TMEM108: variants seen among roughly 807,000 people sequenced by gnomAD.
TMEM108 encodes the protein transmembrane protein 108.
Under a neutral mutation model 35.1 loss-of-function variants are expected in TMEM108, and 12 were observed. That is an observed-to-expected ratio of 0.34 (90% CI 0.22 to 0.55). The LOEUF is 0.55. Among genes scored for constraint, TMEM108 ranks in the 20% least tolerant of loss-of-function variants. The probability of loss-of-function intolerance (pLI) is 0.89; values close to 1 mark genes in which losing one functional copy is unlikely to be tolerated. For missense variants in TMEM108, 680 were observed against 753.3 expected, an observed-to-expected ratio of 0.90 and a Z score of 1.14; for synonymous variants, 287 against 308.6, an observed-to-expected ratio of 0.93 and a Z score of 0.73.
chr3:133,280,604 T>G (rs771461971), intron 3 of TMEM108, among the ~76,000 whole-genome samples: 41 of 152,296 alleles, frequency 2.7e-4, no homozygotes, highest in Middle Eastern at 6.8e-3. Flanking sequence ...TGGACACAAA[T>G]AAAGGGATCT....
At chr3:133,373,380 TAGATGATAGATAGATA>T (rs2072735764) in intron 3 of TMEM108, among the ~76,000 whole-genome samples, 2 of 114,946 alleles carry the variant, frequency 1.7e-5, no homozygotes, top group South Asian at 3.1e-4. Flanking sequence ...TTTAGATAGA[TAGATGATAGATAGATA>T]GATAGATAGA....
chr3:133,223,642 A>G (rs540073111), intron 2 of TMEM108, among the ~76,000 whole-genome samples: 1 of 152,332 alleles, frequency 6.6e-6, no homozygotes, highest in South Asian at 2.1e-4. Context: ...CTTGCCATCT[A>G]TCCAAAGCAG....
chr3:133,059,905 CCATT>C (rs1244917724), intron 2 of TMEM108, among the ~76,000 whole-genome samples: 1 of 152,152 alleles, frequency 6.6e-6, no homozygotes, highest in Non-Finnish European at 1.5e-5. Flanking sequence ...GCATGAGAGT[CCATT>C]CAAAGTAGGT....
intron 2 of TMEM108, among the ~76,000 whole-genome samples, chr3:133,072,683 G>A (rs1943690449): frequency 6.6e-6 from 1 of 152,002 alleles, no homozygotes; most frequent in South Asian, 2.1e-4. Flanking sequence ...ATTATAAAAT[G>A]CACCTTTTAA....
intron 3 of TMEM108, among the ~76,000 whole-genome samples, chr3:133,274,270 A>C (rs1946810491): frequency 6.6e-6 from 1 of 152,218 alleles, no homozygotes; most frequent in South Asian, 2.1e-4. Flanking sequence ...TGTTTTTCAT[A>C]AACTGTGCTT....
At chr3:133,135,625 CTG>C (rs1309297105) in intron 2 of TMEM108, among the ~76,000 whole-genome samples, 1 of 152,162 alleles carries the variant, frequency 6.6e-6, no homozygotes, top group Non-Finnish European at 1.5e-5. Context: ...TAGAGGTAAA[CTG>C]TGTGACTGCA....
rs745864434 is a variant in TMEM108, at chr3:133,390,167, ACT to A, written c.1451-7_1451-6del. On this transcript the variant is annotated splice_polypyrimidine_tract_variant and intron_variant, in intron 4 of 5. Transcript: ENST00000321871. ...TGCCTCCCTCTCCTCTCTGACTTGC[ACT>A]CTCTCCATAGCTGTCCTGCTGACGG... 120 of 1,613,742 alleles carry A rather than the reference ACT, an allele frequency of 7.4e-5. No homozygotes were observed. Among genetic ancestry groups the A allele is most frequent in the Non-Finnish European group, 9.0e-5 (106 of 1,179,924 alleles).
chr3:133,214,856 G>A (rs1945883475), intron 2 of TMEM108, among the ~76,000 whole-genome samples: 1 of 152,036 alleles, frequency 6.6e-6, no homozygotes, highest in African/African-American at 2.4e-5. Flanking sequence ...TGTGTGTGAG[G>A]GATCTAGGTT....
At chr3:133,087,912 T>G (rs1342567286) in intron 2 of TMEM108, among the ~76,000 whole-genome samples, 1 of 152,114 alleles carries the variant, frequency 6.6e-6, no homozygotes, top group Non-Finnish European at 1.5e-5. Flanking sequence ...AACTACGTGG[T>G]GCCTTTGAGA....
rs376966131 is a variant in TMEM108, at chr3:133,111,785, T to C, written c.-47+65765T>C. On this transcript the variant is annotated intron_variant, in intron 2 of 5. Coordinates refer to ENST00000321871, the MANE Select transcript of TMEM108 (RefSeq NM_023943.4). The stretch of plus-strand genomic sequence containing the variant: ...CTTCATACCTTACAGTCTAAGAAAA[T>C]GTCTCTTTGGTAGCTAAAGACTTGT... Among the ~76,000 whole-genome samples, 12 of 152,232 alleles carry C rather than the reference T, an allele frequency of 7.9e-5. No individual in the cohort carries two copies. The South Asian group carries it at 2.3e-3, about 29-fold the overall frequency.
chr3:133,128,322 C>G (rs182268279), intron 2 of TMEM108, among the ~76,000 whole-genome samples: 95 of 152,252 alleles, frequency 6.2e-4, no homozygotes, highest in African/African-American at 2.1e-3. Flanking sequence ...AGAATGGGCC[C>G]TTGTTCAAGA....
chr3:133,053,024 C>T (rs538766976), intron 2 of TMEM108, among the ~76,000 whole-genome samples: 20 of 152,200 alleles, frequency 1.3e-4, no homozygotes, highest in African/African-American at 4.3e-4. Context: ...GTGTCTGGTT[C>T]ATTAATTTCT....
intron 2 of TMEM108, among the ~76,000 whole-genome samples, chr3:133,178,238 C>G (rs1447420546): frequency 6.6e-6 from 1 of 152,112 alleles, no homozygotes; most frequent in Non-Finnish European, 1.5e-5. Context: ...GCCATACTGC[C>G]CAAGGTAATT....
chr3:133,110,354 T>G (rs1414526262), intron 2 of TMEM108, among the ~76,000 whole-genome samples: 1 of 152,228 alleles, frequency 6.6e-6, no homozygotes, highest in Non-Finnish European at 1.5e-5. Context: ...GCTGGCTATG[T>G]GCGTCAGGTA....
intron 2 of TMEM108, among the ~76,000 whole-genome samples, chr3:133,067,866 C>G (rs1270286326): frequency 6.6e-6 from 1 of 151,692 alleles, no homozygotes; most frequent in Non-Finnish European, 1.5e-5. Flanking sequence ...ACTTGTCTCA[C>G]AGTTCTAAAA....
chr3:133,231,025 AC>A (rs1396172946), intron 3 of TMEM108, among the ~76,000 whole-genome samples: 1 of 152,152 alleles, frequency 6.6e-6, no homozygotes, highest in African/African-American at 2.4e-5. Flanking sequence ...TCACTAAACC[AC>A]CCTGATTACT....
chr3:133,284,923 T>A (rs951442851), intron 3 of TMEM108, among the ~76,000 whole-genome samples: 3 of 152,150 alleles, frequency 2.0e-5, no homozygotes, highest in African/African-American at 7.2e-5. Context: ...AAGTTTTTTG[T>A]TTTTTGTTTT....
At chr3:133,188,318 A>G (rs1945451183) in intron 2 of TMEM108, among the ~76,000 whole-genome samples, 1 of 152,088 alleles carries the variant, frequency 6.6e-6, no homozygotes, top group South Asian at 2.1e-4. Flanking sequence ...ATTGGATATT[A>G]TAGGGGGCCC....
In TMEM108 at chr3:133,390,217, G is replaced by T; in HGVS notation, c.1488G>T (p.Lys496Asn). ...CGGTGTGCTGCATGAAGAGGAAGAA[G>T]AAGACCGCCAACCCGGAGAACAACC... ...LLTVCCMKRKKKTANPENNLS... is the reference protein window; with the variant it reads ...LLTVCCMKRKNKTANPENNLS... The change falls in exon 5 of 6, where the codon AAG (lysine) becomes AAT (asparagine). Residue 496 changes from lysine (K) to asparagine (N), a missense_variant. Transcript: ENST00000321871. 15 of 1,614,186 alleles carry T rather than the reference G, an allele frequency of 9.3e-6. No individual in the cohort carries two copies. Among genetic ancestry groups the T allele is most frequent in the Non-Finnish European group, 1.3e-5 (15 of 1,180,038 alleles).
Sources: allele counts gnomAD v4.1 joint callset (sites outside exome capture counted in the v4.1 genomes callset), GRCh38; gene constraint gnomAD v4.1.1; transcripts MANE v1.5; gene names NCBI Gene and HGNC (gene_info 2026-07-23, HGNC 2026-07-21).